PGM5: variants seen among roughly 807,000 people sequenced by gnomAD.
PGM5 encodes phosphoglucomutase-like protein 5.
Under a neutral mutation model 59.2 loss-of-function variants are expected in PGM5, and 23 were observed. The observed-to-expected ratio is 0.39, with a 90% CI of 0.28 to 0.55. The LOEUF (loss-of-function observed/expected upper bound fraction) is 0.55, where lower values mean the gene tolerates loss of function less well. PGM5 is among the 20% of genes least tolerant of loss of function. The probability of loss-of-function intolerance (pLI) is 0.66; values close to 1 mark genes in which losing one functional copy is unlikely to be tolerated. For missense variants in PGM5, 574 were observed against 748.3 expected (o/e 0.77, Z 2.72); for synonymous variants, 214 against 286.0 (o/e 0.75, Z 2.54).
chr9:68,439,871 CTT>C (rs1823500044), intron 6 of PGM5, among the ~76,000 whole-genome samples: 1 of 151,894 alleles, frequency 6.6e-6, no homozygotes, highest in Admixed American at 6.6e-5. Flanking sequence ...GGGAAAATGA[CTT>C]TTAAAGTTTT....
chr9:68,496,333 A>C (rs551468752), intron 9 of PGM5, among the ~76,000 whole-genome samples: 88 of 152,238 alleles, frequency 5.8e-4, no homozygotes, highest in Non-Finnish European at 9.6e-4. Flanking sequence ...ACAGCTATTC[A>C]CACATAAAAG....
chr9:68,484,686 G>A (rs1483368135), intron 9 of PGM5, among the ~76,000 whole-genome samples: 1 of 151,760 alleles, frequency 6.6e-6, no homozygotes, highest in Non-Finnish European at 1.5e-5. Flanking sequence ...AATAAATACA[G>A]ACCCAACATT....
Position 68,387,535 on chromosome 9 carries a change from G to T in PGM5, c.644G>T (p.Gly215Val), listed in dbSNP as rs782346534. ...RTIFDFHAIKGLLTGPSQLKI... is the reference protein window; with the variant it reads ...RTIFDFHAIKVLLTGPSQLKI... ...ATCTTTGACTTTCATGCCATCAAGG[G>T]TTTGCTGACTGGACCCAGCCAACTG... The change falls in exon 4 of 11, where the codon GGT (glycine) becomes GTT (valine). Residue 215 changes from glycine to valine, a missense_variant. Coordinates refer to ENST00000396396, the MANE Select transcript of PGM5 (RefSeq NM_021965.4). 45 of 1,612,028 alleles carry T rather than the reference G, an allele frequency of 2.8e-5. No individual in the cohort carries two copies. Among genetic ancestry groups the T allele is most frequent in the Non-Finnish European group, 3.7e-5 (44 of 1,178,614 alleles).
chr9:68,398,936 A>G (rs1822588734), intron 6 of PGM5: 1 of 152,194 alleles, frequency 6.6e-6, no homozygotes, highest in Non-Finnish European at 1.5e-5. Flanking sequence ...TTTAAAAATG[A>G]TAATGCATTT....
chr9:68,358,001 G>A (rs1482444008), intron 1 of PGM5: 1 of 156,046 alleles, frequency 6.4e-6, no homozygotes, highest in South Asian at 2.0e-4. Context: ...GGCCCTGAAG[G>A]TTTTTATTAT....
intron 9 of PGM5, among the ~76,000 whole-genome samples, chr9:68,489,613 C>T (rs2132097723): frequency 6.6e-6 from 1 of 151,956 alleles, no homozygotes; most frequent in East Asian, 1.9e-4. Flanking sequence ...TACAGGCGTG[C>T]ACCACCACGC....
intron 6 of PGM5, chr9:68,429,369 A>G (rs1280508449): frequency 2.0e-5 from 3 of 152,220 alleles, no homozygotes; most frequent in African/African-American, 4.8e-5. Flanking sequence ...TGTTAAAAAA[A>G]TCATCAACCA....
At chr9:68,439,830 A>G (rs780277950) in intron 6 of PGM5, among the ~76,000 whole-genome samples, 12 of 151,974 alleles carry the variant, frequency 7.9e-5, no homozygotes, top group Non-Finnish European at 1.5e-4. Flanking sequence ...GCTGAAAATT[A>G]TCAGGGATAT....
intron 9 of PGM5, among the ~76,000 whole-genome samples, chr9:68,488,187 G>C (rs192318909): frequency 6.6e-6 from 1 of 152,068 alleles, no homozygotes. Context: ...ATTTGAGAAG[G>C]CCCCTTCAGT....
At chr9:68,524,143 G>A (rs939385902) in intron 10 of PGM5, among the ~76,000 whole-genome samples, 5 of 152,094 alleles carry the variant, frequency 3.3e-5, no homozygotes, top group Non-Finnish European at 7.4e-5. Context: ...ATGTGGGCTA[G>A]GATTAATGTG....
At chr9:68,492,381 C>G (rs916212125) in intron 9 of PGM5, among the ~76,000 whole-genome samples, 3 of 152,208 alleles carry the variant, frequency 2.0e-5, no homozygotes, top group African/African-American at 7.2e-5. Context: ...CCTCTCATCA[C>G]CTAGCATGGC....
At chr9:68,360,274 CAT>C (rs1834551309) in intron 1 of PGM5, among the ~76,000 whole-genome samples, 1 of 151,454 alleles carries the variant, frequency 6.6e-6, no homozygotes, top group African/African-American at 2.4e-5. Flanking sequence ...ACATTTCAAA[CAT>C]AAACATGTAT....
At chr9:68,454,102 A>G (rs889794828) in intron 6 of PGM5, among the ~76,000 whole-genome samples, 3 of 152,146 alleles carry the variant, frequency 2.0e-5, no homozygotes, top group African/African-American at 4.8e-5. Flanking sequence ...GGGCTTGGGC[A>G]ATTGGGAGCA....
chr9:68,409,897 C>CAAAAAAA (rs1176609845), intron 6 of PGM5, among the ~76,000 whole-genome samples: 1 of 149,404 alleles, frequency 6.7e-6, no homozygotes, highest in African/African-American at 2.4e-5. Flanking sequence ...AAGAACAAAG[C>CAAAAAAA]AAAAAAATGT....
intron 6 of PGM5, among the ~76,000 whole-genome samples, chr9:68,454,717 G>A (rs1823746224): frequency 6.6e-6 from 1 of 152,152 alleles, no homozygotes; most frequent in African/African-American, 2.4e-5. Flanking sequence ...GGAGCTGCGT[G>A]GGGACTGAGA....
chr9:68,401,921 GTGTGTGTGTA>G (rs879999928), intron 6 of PGM5, among the ~76,000 whole-genome samples: 43,775 of 143,686 alleles, frequency 0.3, 6,182 homozygotes, highest in Middle Eastern at 0.35. Flanking sequence ...GTGTGTGTGT[GTGTGTGTGTA>G]TATATTTGTC....
At chr9:68,510,001 T>G (rs1824720758) in intron 10 of PGM5, among the ~76,000 whole-genome samples, 1 of 152,102 alleles carries the variant, frequency 6.6e-6, no homozygotes, top group East Asian at 1.9e-4. Context: ...AAACACCAGC[T>G]TAACAGCCAG....
At chr9:68,383,694 C>CAA (rs71353049) in intron 2 of PGM5, among the ~76,000 whole-genome samples, 7,058 of 99,282 alleles carry the variant, frequency 0.071, 641 homozygotes, top group African/African-American at 0.23. Flanking sequence ...AACCTTGTTG[C>CAA]AAAAAAAAAA....
At chr9:68,403,161 G>A (rs265108) in intron 6 of PGM5, among the ~76,000 whole-genome samples, 70,192 of 149,066 alleles carry the variant, frequency 0.47, 17,139 homozygotes, top group Non-Finnish European at 0.56. Context: ...CAGATCGGTG[G>A]CAGCATTAGA....
Sources: gnomAD v4.1 joint callset for allele counts (sites outside exome capture counted in the v4.1 genomes callset) on GRCh38, gnomAD v4.1.1 for gene constraint, MANE v1.5 for transcripts, NCBI Gene and HGNC (gene_info 2026-07-23, HGNC 2026-07-21) for gene names.